The following PIEZO2 variants were observed in gnomAD, a reference collection of about 807,000 sequenced individuals.
PIEZO2 encodes piezo-type mechanosensitive ion channel component 2.
In PIEZO2, 172 loss-of-function variants were observed where a neutral mutation model predicts 337.3. The ratio of observed to expected loss-of-function variants is 0.51; its 90% CI spans 0.45 to 0.58. The LOEUF is 0.58. Among genes scored for constraint, PIEZO2 ranks in the 20% least tolerant of loss-of-function variants. PIEZO2 has a pLI of 0.00. For missense variants in PIEZO2, 3,028 were observed against 3,391.3 expected, an observed-to-expected ratio of 0.89 and a Z score of 2.66; for synonymous variants, 1,251 against 1,228.5, an observed-to-expected ratio of 1.02 and a Z score of -0.38.
At chr18:10,704,866 T>A (rs2035506769) in intron 41 of PIEZO2, among the ~76,000 whole-genome samples, 1 of 152,170 alleles carries the variant, frequency 6.6e-6, no homozygotes, top group East Asian at 1.9e-4. Context: ...TTTGTGTGTA[T>A]TTTTAGTAAA....
In PIEZO2 at chr18:11,105,452, G is replaced by C. The variant is rs1054882124; in HGVS notation, c.65-39230C>G. Among the ~76,000 whole-genome samples the C allele has an allele frequency of 2.0e-5, 3 of 152,050 alleles. No individual in the cohort carries two copies. The highest frequency in any genetic ancestry group is 7.2e-5 in the African/African-American group (3 of 41,402). On this transcript the variant is annotated intron_variant, in intron 1 of 55. Coordinates refer to ENST00000674853, the MANE Select transcript of PIEZO2 (RefSeq NM_001378183.1). This position sits in a 1 kb window ranked among gnomAD's most constrained non-coding sequence, Gnocchi z 4.3. ...CAGCACCTCACATCTTCATCCTCAC[G>C]ACACACTTCCACACTTCAAACTACC... is the stretch of plus-strand genomic sequence containing the variant.
Position 11,078,725 on chromosome 18 carries a change from C to T in PIEZO2, c.65-12503G>A, listed in dbSNP as rs1043867511. 7.2e-5 allele frequency among the ~76,000 whole-genome samples: 11 copies of T among 152,198 alleles called. No individual in the cohort carries two copies. Among genetic ancestry groups the T allele is most frequent in the African/African-American group, 2.7e-4 (11 of 41,440 alleles). On this transcript the variant is annotated intron_variant, in intron 1 of 55. Transcript: ENST00000674853. The surrounding 1 kb of genome is among the most constrained non-coding windows in gnomAD (Gnocchi z 5.3). ...GACCACAGTGTGAAAACCTCGCTCCCAGAGCAACATCCAAATAGCAATGAA... is the reference window on the plus strand; with the variant it reads ...GACCACAGTGTGAAAACCTCGCTCCTAGAGCAACATCCAAATAGCAATGAA...
chr18:10,675,299 A>G lies in PIEZO2; in HGVS notation c.8082-11T>C. ...ATCTTTTCTATGGTCCTGTACATTA[A>G]GAAAAAAAAGATACAATTACGTTTT... On this transcript the variant is annotated splice_polypyrimidine_tract_variant and intron_variant, in intron 53 of 55. Transcript: ENST00000674853. 7.1e-7 allele frequency: 1 copy of G among 1,415,494 alleles called. No homozygotes were observed. The highest frequency in any genetic ancestry group is 9.5e-7 in the Non-Finnish European group (1 of 1,052,548). 87.7% of individuals were successfully genotyped at this position (1,415,494 alleles called of 1,614,324 possible).
intron 7 of PIEZO2, among the ~76,000 whole-genome samples, chr18:10,829,608 A>G (rs1728019): frequency 0.2 from 29,963 of 152,012 alleles, 3,809 homozygotes; most frequent in African/African-American, 0.37. Flanking sequence ...AAACTTACAG[A>G]ATATAAAAAT....
intron 2 of PIEZO2, among the ~76,000 whole-genome samples, chr18:11,050,792 C>CTA (rs528083260): frequency 7.0e-4 from 100 of 143,862 alleles, no homozygotes; most frequent in African/African-American, 1.9e-3. Flanking sequence ...TCCTAAAAAA[C>CTA]TATATATATA....
chr18:10,728,944 G>A, intron 36 of PIEZO2, among the ~76,000 whole-genome samples: 1 of 117,810 alleles, frequency 8.5e-6, no homozygotes. Flanking sequence ...GACAGAGCAA[G>A]ACTCTGTCTC....
chr18:10,701,701 C>T lies in PIEZO2; in HGVS notation c.6441+288G>A, dbSNP rs4239289. The stretch of plus-strand genomic sequence containing the variant: ...GCAATGTTCCACAAAAGTGGATTCA[C>T]GATTACACATTTAACCTAGGTTGGA... On this transcript the variant is annotated intron_variant, in intron 43 of 55. Transcript: ENST00000674853. 0.25 allele frequency among the ~76,000 whole-genome samples: 37,472 copies of T among 152,008 alleles called. 4,720 individuals are homozygous for T. The highest frequency in any genetic ancestry group is 0.3 in the African/African-American group (12,355 of 41,432).
intron 3 of PIEZO2, among the ~76,000 whole-genome samples, chr18:10,921,271 A>G (rs1394415065): frequency 6.6e-6 from 1 of 152,072 alleles, no homozygotes; most frequent in East Asian, 1.9e-4. Flanking sequence ...AAGGAGAGAC[A>G]ATGAGGACAG....
Position 10,696,305 on chromosome 18 carries a change from A to G in PIEZO2, c.6976-17T>C, listed in dbSNP as rs2035080282. Reference sequence around the variant, plus strand: ...TGAGTGTTTCTGGGGAAGAGACAACAAATTCATGCCCAAGAGAGGCAATTC... The same window carrying G: ...TGAGTGTTTCTGGGGAAGAGACAACGAATTCATGCCCAAGAGAGGCAATTC... On this transcript the variant is annotated splice_polypyrimidine_tract_variant and intron_variant, in intron 46 of 55. Transcript: ENST00000674853. 6.2e-7 allele frequency: 1 copy of G among 1,613,826 alleles called. No homozygotes were observed. The highest frequency in any genetic ancestry group is 8.5e-7 in the Non-Finnish European group (1 of 1,179,796).
At chr18:11,134,402 A>G (rs566592529) in intron 1 of PIEZO2, among the ~76,000 whole-genome samples, 42 of 152,178 alleles carry the variant, frequency 2.8e-4, no homozygotes, top group Non-Finnish European at 5.0e-4. Context: ...AAGCACACGT[A>G]AGAAAAAGGC....
chr18:10,934,052 T>G (rs767856119), intron 3 of PIEZO2, among the ~76,000 whole-genome samples: 2 of 152,240 alleles, frequency 1.3e-5, no homozygotes, highest in Admixed American at 1.3e-4. Context: ...AACAGACTAA[T>G]ACAGGTGGTA....
intron 3 of PIEZO2, among the ~76,000 whole-genome samples, chr18:10,978,667 C>T (rs985419806): frequency 1.3e-5 from 2 of 152,120 alleles, no homozygotes; most frequent in African/African-American, 4.8e-5. Flanking sequence ...TTTTACTTTA[C>T]AGGGAAAAGC....
In PIEZO2 at chr18:10,833,254, G is replaced by A. The variant is rs1379151383; in HGVS notation, c.917+22099C>T. The stretch of plus-strand genomic sequence containing the variant: ...AAGCCCAGGGTAACAGGTACCCTGG[G>A]TGCGTCAGTGGCAGCACAGAGATGA... On this transcript the variant is annotated intron_variant, in intron 7 of 55. Coordinates refer to ENST00000674853, the MANE Select transcript of PIEZO2 (RefSeq NM_001378183.1). The surrounding 1 kb of genome is among the most constrained non-coding windows in gnomAD (Gnocchi z 4.7). Among the ~76,000 whole-genome samples the A allele has an allele frequency of 6.6e-6, 1 of 152,156 alleles. No homozygotes were observed. The highest frequency in any genetic ancestry group is 1.9e-4 in the East Asian group (1 of 5,196).
At chr18:11,013,601 A>G (rs2035980687) in intron 2 of PIEZO2, among the ~76,000 whole-genome samples, 1 of 152,210 alleles carries the variant, frequency 6.6e-6, no homozygotes, top group East Asian at 1.9e-4. Flanking sequence ...TTTTTAAACA[A>G]TTTGGGAGGT....
intron 20 of PIEZO2, among the ~76,000 whole-genome samples, chr18:10,770,780 T>C (rs953236364): frequency 7.0e-6 from 1 of 143,818 alleles, no homozygotes; most frequent in East Asian, 2.2e-4. Flanking sequence ...TCTTGCTCTG[T>C]AGCCCAGGCT....
At chr18:11,095,366 G>T (rs2039232820) in intron 1 of PIEZO2, among the ~76,000 whole-genome samples, 1 of 152,164 alleles carries the variant, frequency 6.6e-6, no homozygotes, top group South Asian at 2.1e-4. Flanking sequence ...CATTGACTCA[G>T]TGTTTTGGAA....
chr18:11,117,440 C>T (rs1162228829), intron 1 of PIEZO2, among the ~76,000 whole-genome samples: 1 of 152,144 alleles, frequency 6.6e-6, no homozygotes, highest in East Asian at 1.9e-4. Context: ...AAAGCACTTA[C>T]CAACTAGTCA....
chr18:10,827,231 G>T (rs991107377), intron 7 of PIEZO2, among the ~76,000 whole-genome samples: 1 of 152,092 alleles, frequency 6.6e-6, no homozygotes, highest in Admixed American at 6.5e-5. Flanking sequence ...GAAATATTTA[G>T]ATTTTTTTCC....
Position 10,853,397 on chromosome 18 carries a change from T to C in PIEZO2, c.917+1956A>G, listed in dbSNP as rs2041612743. Among the ~76,000 whole-genome samples the C allele has an allele frequency of 6.6e-6, 1 of 152,240 alleles. No individual in the cohort carries two copies. Among genetic ancestry groups the C allele is most frequent in the Non-Finnish European group, 1.5e-5 (1 of 68,038 alleles). On this transcript the variant is annotated intron_variant, in intron 7 of 55. Transcript: ENST00000674853. The surrounding 1 kb of genome is among the most constrained non-coding windows in gnomAD (Gnocchi z 4.2). The stretch of plus-strand genomic sequence containing the variant: ...TGCTCTAAAGCTTTTTAATACATTG[T>C]CACTCATTCCTGCTCCAAAACTTGC...
Sources: gnomAD v4.1 joint callset for allele counts (sites outside exome capture counted in the v4.1 genomes callset) on GRCh38, gnomAD v4.1.1 for gene constraint, Gnocchi (gnomAD v3.1) non-coding constraint, MANE v1.5 for transcripts, NCBI Gene and HGNC (gene_info 2026-07-23, HGNC 2026-07-21) for gene names.